Variants in MAP3K1 observed in about 807,000 individuals in gnomAD.
The protein encoded by MAP3K1 is mitogen-activated protein kinase kinase kinase 1.
MAP3K1 carries 36 observed loss-of-function variants against 144.2 expected under a neutral mutation model. The observed-to-expected ratio is 0.25, with a 90% confidence interval of 0.19 to 0.33. MAP3K1 has a LOEUF of 0.33. Ranked by LOEUF, MAP3K1 falls within the 10% of genes least tolerant of loss-of-function variation. The pLI is 1.00. For missense variants in MAP3K1, 1,650 were observed against 1,881.9 expected (o/e 0.88, Z 2.28); for synonymous variants, 718 against 688.7 (o/e 1.04, Z -0.67).
rs1561202202 is a variant in MAP3K1 at position 56,884,754 on chromosome 5, C to A, written c.3910C>A (p.Pro1304Thr). Reference sequence around the variant, plus strand: ...AAGAATGATGAGCCATCTGAATCATCCAAACATCATTAGGATGTTGGGAGC... The same window carrying A: ...AAGAATGATGAGCCATCTGAATCATACAAACATCATTAGGATGTTGGGAGC... ...EIRMMSHLNH[P>T]NIIRMLGATC... The change falls in exon 16 of 20, where the codon CCA (proline) becomes ACA (threonine). Residue 1304 changes from proline to threonine, a missense_variant. Physicochemically the swap from Pro to Thr is conservative, Grantham distance 38. Around this residue, in one of 6 missense-constraint regions of MAP3K1, gnomAD observed 165 missense variants for 322.9 expected, o/e 0.51. Transcript: ENST00000399503. The A allele has an allele frequency of 6.2e-7, 1 of 1,613,536 alleles. No individual in the cohort carries two copies. Among genetic ancestry groups the A allele is most frequent in the Non-Finnish European group, 8.5e-7 (1 of 1,179,738 alleles).
At chr5:56,891,710 T>G (rs1471572343) in intron 19 of MAP3K1, among the ~76,000 whole-genome samples, 1 of 152,258 alleles carries the variant, frequency 6.6e-6, no homozygotes, top group East Asian at 1.9e-4. Context: ...TGAATTTTTT[T>G]ATAAGGTGTA....
Position 56,886,045 on chromosome 5 carries a change from A to G in MAP3K1, c.4096A>G (p.Ile1366Val). The G allele has an allele frequency of 6.2e-7, 1 of 1,612,046 alleles. No individual in the cohort carries two copies. The highest frequency in any genetic ancestry group is 8.5e-7 in the Non-Finnish European group (1 of 1,178,170). Reference protein sequence around the residue: ...GLSYLHENQIIHRDVKGANLL... With the variant: ...GLSYLHENQIVHRDVKGANLL... ...TTCGTATCTCCATGAAAACCAAATC[A>G]TTCACAGAGATGTCAAAGGTGAGAA... is the stretch of plus-strand genomic sequence containing the variant. The change falls in exon 17 of 20, where the codon ATT becomes GTT. Residue 1366 changes from isoleucine to valine, a missense_variant. Transcript: ENST00000399503.
intron 1 of MAP3K1, chr5:56,817,066 G>T: frequency 1.0e-6 from 1 of 985,422 alleles, no homozygotes; most frequent in Non-Finnish European, 1.2e-6. Flanking sequence ...AGTGCGGTGG[G>T]CTTCGGCTCA....
At chr5:56,839,049 T>G (rs751987075) in intron 1 of MAP3K1, among the ~76,000 whole-genome samples, 5 of 152,190 alleles carry the variant, frequency 3.3e-5, no homozygotes, top group Non-Finnish European at 7.3e-5. Context: ...GTGCAGAGAT[T>G]GCTTGATCAC....
chr5:56,888,505 A>C, intron 19 of MAP3K1, 148 bp downstream of exon 19: 2 of 775,082 alleles, frequency 2.6e-6, no homozygotes, highest in South Asian at 3.2e-5. Context: ...TTTGATATAC[A>C]AGTTTTTTAC....
chr5:56,865,805 G>A, intron 5 of MAP3K1, 24 bp from the exon 6 acceptor site: 1 of 1,611,870 alleles, frequency 6.2e-7, no homozygotes, highest in South Asian at 1.1e-5. Flanking sequence ...AAATATCATT[G>A]TTACTGTCTT....
intron 1 of MAP3K1, among the ~76,000 whole-genome samples, chr5:56,834,746 G>A (rs1746596288): frequency 6.6e-6 from 1 of 152,092 alleles, no homozygotes; most frequent in South Asian, 2.1e-4. Flanking sequence ...AAATATTGTT[G>A]TGCTTTAAGA....
At chr5:56,869,505 A>G (rs1244446023) in intron 6 of MAP3K1, among the ~76,000 whole-genome samples, 2 of 152,184 alleles carry the variant, frequency 1.3e-5, no homozygotes, top group Non-Finnish European at 2.9e-5. Context: ...AGAATTATGT[A>G]TATGAAGAGT....
At chr5:56,824,079 C>T (rs537249740) in intron 1 of MAP3K1, among the ~76,000 whole-genome samples, 1 of 152,244 alleles carries the variant, frequency 6.6e-6, no homozygotes, top group African/African-American at 2.4e-5. Flanking sequence ...GATCATAATT[C>T]AACTTGGGAT....
intron 1 of MAP3K1, among the ~76,000 whole-genome samples, chr5:56,836,986 C>G (rs556724248): frequency 6.6e-6 from 1 of 152,288 alleles, no homozygotes; most frequent in South Asian, 2.1e-4. Flanking sequence ...CTCTAGAAAA[C>G]AGATGCTCCA....
intron 2 of MAP3K1, 57 bp from the exon 3 acceptor site, chr5:56,859,658 C>T: frequency 7.8e-7 from 1 of 1,287,202 alleles, no homozygotes; most frequent in South Asian, 1.3e-5. Flanking sequence ...ATGATATTTA[C>T]ATTTACTTAC....
At chr5:56,876,000 AG>A (rs1485045092) in intron 10 of MAP3K1, among the ~76,000 whole-genome samples, 1 of 152,168 alleles carries the variant, frequency 6.6e-6, no homozygotes, top group East Asian at 1.9e-4. Flanking sequence ...TCCATGACAT[AG>A]ATCATTGAGT....
chr5:56,845,290 T>C (rs1252065364), intron 1 of MAP3K1, among the ~76,000 whole-genome samples: 3 of 152,226 alleles, frequency 2.0e-5, no homozygotes, highest in Non-Finnish European at 4.4e-5. Flanking sequence ...CACTGCCACA[T>C]TTCCCCAAAG....
chr5:56,859,777 T>C lies in MAP3K1; in HGVS notation c.696T>C (p.Ser232=). 6.2e-7 allele frequency: 1 copy of C among 1,614,068 alleles called. No individual in the cohort carries two copies. Among genetic ancestry groups the C allele is most frequent in the Non-Finnish European group, 8.5e-7 (1 of 1,180,002 alleles). The change falls in exon 3 of 20, where the codon TCT becomes TCC. Residue 232 remains serine (S), a synonymous_variant. Coordinates refer to ENST00000399503, the MANE Select transcript of MAP3K1 (RefSeq NM_005921.2). ...AAATGAATCACTTAGCAGCTGAGTC[T>C]CCAGGAGAGGTCCAGGCAAGTGCGG... The part of the protein sequence containing the change: ...GSEMNHLAAE[S]PGEVQASAAS...
chr5:56,885,966 A>T lies in MAP3K1; in HGVS notation c.4017A>T (p.Gly1339=), dbSNP rs2111957823. 1 of 1,612,624 alleles carries T rather than the reference A, an allele frequency of 6.2e-7. No individual in the cohort carries two copies. The highest frequency in any genetic ancestry group is 8.5e-7 in the Non-Finnish European group (1 of 1,178,666). Residue 1339 remains glycine, a synonymous_variant, in exon 17 of 20, where the codon GGA becomes GGT. Coordinates refer to ENST00000399503, the MANE Select transcript of MAP3K1 (RefSeq NM_005921.2). ...GSVAHLLSKY[G]AFKESVVINY... is the part of the protein sequence containing the mutation. ...TGGCTCATTTGCTGAGTAAATATGG[A>T]GCCTTCAAAGAATCAGTAGTTATTA...
chr5:56,875,241 G>A lies in MAP3K1; in HGVS notation c.1896G>A (p.Val632=), dbSNP rs2111921539. ...AGACCAGTATCTCAGGAGATGTGGT[G>A]GAGGCATGCTGCAGCGTTCTGTCAA... is the stretch of plus-strand genomic sequence containing the variant. ...SSQTSISGDV[V]EACCSVLSMV... is the part of the protein sequence containing the mutation. Residue 632 remains valine, a synonymous_variant, in exon 10 of 20, where the codon GTG becomes GTA. Transcript: ENST00000399503. 1 of 1,614,108 alleles carries A rather than the reference G, an allele frequency of 6.2e-7. No individual in the cohort carries two copies. The highest frequency in any genetic ancestry group is 1.1e-5 in the South Asian group (1 of 91,086).
intron 19 of MAP3K1, among the ~76,000 whole-genome samples, chr5:56,892,326 T>C (rs1748573916): frequency 6.6e-6 from 1 of 152,158 alleles, no homozygotes; most frequent in Non-Finnish European, 1.5e-5. Context: ...ATTTGGCTGT[T>C]TGTCTGTTAT....
rs537810786 is a variant in MAP3K1, at chr5:56,895,063, G to C, written c.*1383G>C. 1.6e-4 allele frequency: 37 copies of C among 231,536 alleles called. 1 individual carries two copies. The South Asian group carries it at 6.5e-3, about 41-fold the overall frequency. The allele number at this position is 231,536 out of a possible 1,614,324, so 14.3% of individuals were successfully genotyped here. On this transcript the variant is annotated 3_prime_UTR_variant, in exon 20 of 20. Transcript: ENST00000399503. ...AGATTTTAGTTTTAACTCTTCAGAA[G>C]CCAGTGTGAAATAGAATTGGTTATT...
rs1561168659 is a variant in MAP3K1, at chr5:56,835,394, A to ACAGGAAGGCAGGGAAGAGTT, written c.482+19339_482+19340insCAGGAAGGCAGGGAAGAGTT. ...AGGAGACAGGAAGGCAGGGAAGAGG[A>ACAGGAAGGCAGGGAAGAGTT]GACAAGGAGGCAGGGAAGAGTTGAC... On this transcript the variant is annotated intron_variant, in intron 1 of 19. Transcript: ENST00000399503. Among the ~76,000 whole-genome samples, 47 of 122,710 alleles carry ACAGGAAGGCAGGGAAGAGTT rather than the reference A, an allele frequency of 3.8e-4. 2 individuals are homozygous for ACAGGAAGGCAGGGAAGAGTT. The highest frequency in any genetic ancestry group is 1.8e-3 in the African/African-American group (46 of 25,174). 80.5% of individuals were successfully genotyped at this position (122,710 alleles called of 152,430 possible). A position where few individuals can be genotyped will look rare whatever the true frequency, so the allele number is the denominator to read the frequency against.
Sources: allele counts gnomAD v4.1 joint callset (sites outside exome capture counted in the v4.1 genomes callset), GRCh38; gene constraint gnomAD v4.1.1; regional missense constraint gnomAD v4.1.1; transcripts MANE v1.5; gene names NCBI Gene and HGNC (gene_info 2026-07-23, HGNC 2026-07-21).